Variants in TAF1A observed in about 807,000 individuals in gnomAD.
The protein encoded by TAF1A is TATA-box binding protein associated factor, RNA polymerase I subunit A, also known as TATA box-binding protein-associated factor RNA polymerase I subunit A.
A neutral mutation model predicts 61.6 loss-of-function variants in TAF1A; 42 were observed. The ratio of observed to expected loss-of-function variants is 0.68; its 90% CI spans 0.53 to 0.88. TAF1A has a LOEUF of 0.88. Among genes scored for constraint, TAF1A ranks in the 40% least tolerant of loss-of-function variants. The probability of loss-of-function intolerance (pLI) is 0.00; values close to 1 mark genes in which losing one functional copy is unlikely to be tolerated. For synonymous variants in TAF1A, 179 were observed against 177.7 expected (o/e 1.01, Z -0.06); for missense variants, 424 against 518.7 (o/e 0.82, Z 1.77).
rs752035294 is a variant in TAF1A at position 222,561,406 on chromosome 1, C to A, written c.1198G>T (p.Ala400Ser). 4 of 1,611,570 alleles carry A rather than the reference C, an allele frequency of 2.5e-6. No homozygotes were observed. The highest frequency in any genetic ancestry group is 3.3e-4 in the Middle Eastern group (2 of 6,048). The part of the protein sequence containing the change: ...KSDWKEDTAL[A>S]CEKAFVAGLL... ...CCAGCCACAAAAGCTTTCTCACAGG[C>A]CAAAGCTGTATCTTCCTTCCAATCA... The change falls in exon 10 of 11, where the codon GCC becomes TCC. Residue 400 changes from alanine to serine, a missense_variant. Transcript: ENST00000352967.
At chr1:222,576,193 A>G (rs931083159) in intron 5 of TAF1A, among the ~76,000 whole-genome samples, 2 of 152,196 alleles carry the variant, frequency 1.3e-5, no homozygotes, top group Non-Finnish European at 2.9e-5. Flanking sequence ...AGGGTTTGGG[A>G]CAGCGATCCA....
chr1:222,571,870 A>G (rs548628236), intron 5 of TAF1A, among the ~76,000 whole-genome samples: 10 of 152,336 alleles, frequency 6.6e-5, no homozygotes, highest in Admixed American at 5.2e-4. Context: ...CGAAAATGCA[A>G]GGGACCAAAG....
At chr1:222,555,295 T>A (rs1413010327), downstream of TAF1A, among the ~76,000 whole-genome samples, 1 of 152,238 alleles carries the variant, frequency 6.6e-6, no homozygotes, top group African/African-American at 2.4e-5. Flanking sequence ...CAAAGAGATA[T>A]CTGCACTCCT....
intron 8 of TAF1A, 93 bp from the exon 9 acceptor site, chr1:222,563,389 C>T (rs1571796488): frequency 7.7e-7 from 1 of 1,307,116 alleles, no homozygotes; most frequent in South Asian, 1.4e-5. Context: ...TGTATATATA[C>T]TTTACATATA....
intron 3 of TAF1A, among the ~76,000 whole-genome samples, chr1:222,580,926 G>A (rs892980823): frequency 1.1e-4 from 16 of 152,146 alleles, no homozygotes; most frequent in Non-Finnish European, 1.9e-4. Context: ...GCCGAGGCGG[G>A]TGGATCACGA....
chr1:222,587,629 AAT>A (rs1661065505), intron 2 of TAF1A, among the ~76,000 whole-genome samples: 1 of 152,220 alleles, frequency 6.6e-6, no homozygotes, highest in South Asian at 2.1e-4. Flanking sequence ...ACTTATATTA[AAT>A]ATATTCTTAT....
At chr1:222,566,184 AAAG>A (rs1265501568) in intron 7 of TAF1A, among the ~76,000 whole-genome samples, 11 of 152,306 alleles carry the variant, frequency 7.2e-5, no homozygotes, top group African/African-American at 2.6e-4. Context: ...GACATTTGCC[AAAG>A]ATGATAAACA....
At chr1:222,583,741 G>A (rs1396570799) in intron 3 of TAF1A, among the ~76,000 whole-genome samples, 1 of 151,896 alleles carries the variant, frequency 6.6e-6, no homozygotes, top group African/African-American at 2.4e-5. Flanking sequence ...AGGAGGCTGA[G>A]GCAGGGGAAT....
Position 222,563,284 on chromosome 1 carries a change from T to C in TAF1A, c.974A>G (p.His325Arg). 1 of 1,612,342 alleles carries C rather than the reference T, an allele frequency of 6.2e-7. No individual in the cohort carries two copies. The highest frequency in any genetic ancestry group is 8.5e-7 in the Non-Finnish European group (1 of 1,179,400). Residue 325 changes from histidine to arginine, a missense_variant, in exon 9 of 11, where the codon CAC becomes CGC. His to Arg is a conservative substitution (Grantham distance 29). Coordinates refer to ENST00000352967, the MANE Select transcript of TAF1A (RefSeq NM_005681.4). ...TLLRKSEKEE[H>R]RKLGLEVLFG... ...TAATACCTCCAACCCCAGTTTACGGTGTTCTTCTTTTTCTGCAATGGTTTT... is the reference window on the plus strand; with the variant it reads ...TAATACCTCCAACCCCAGTTTACGGCGTTCTTCTTTTTCTGCAATGGTTTT...
intron 5 of TAF1A, among the ~76,000 whole-genome samples, chr1:222,573,257 G>A (rs1330562037): frequency 6.6e-6 from 1 of 152,138 alleles, no homozygotes; most frequent in Admixed American, 6.6e-5. Flanking sequence ...GTGACAGAGT[G>A]AGACTCCGTC....
chr1:222,576,499 G>A (rs1186671213), intron 5 of TAF1A, among the ~76,000 whole-genome samples: 5 of 152,124 alleles, frequency 3.3e-5, no homozygotes, highest in East Asian at 1.9e-4. Context: ...TATCCCCTAC[G>A]GAGAAACTAT....
rs1298913190 is a variant in TAF1A, at chr1:222,584,144, C to T, written c.275G>A (p.Arg92Lys). 3 of 1,609,306 alleles carry T rather than the reference C, an allele frequency of 1.9e-6. No homozygotes were observed. The highest frequency in any genetic ancestry group is 1.7e-5 in the Admixed American group (1 of 58,884). Residue 92 changes from arginine (R) to lysine (K), a missense_variant, in exon 3 of 11, where the codon AGG becomes AAG. Arg to Lys is a conservative substitution (Grantham distance 26). Coordinates refer to ENST00000352967, the MANE Select transcript of TAF1A (RefSeq NM_005681.4). ...TTTATTTACCTCAGGTGCAGCCTGC[C>T]TTTTGTAGCTATCTGAATCTTCCAA... Reference protein sequence around the residue: ...QTLEDSDSYKRQAAPEIIWKL... With the variant: ...QTLEDSDSYKKQAAPEIIWKL...
chr1:222,560,781 G>C (rs1659881883), intron 10 of TAF1A, among the ~76,000 whole-genome samples: 1 of 152,114 alleles, frequency 6.6e-6, no homozygotes, highest in South Asian at 2.1e-4. Context: ...CATACTCTGT[G>C]GTAGTTTCAT....
chr1:222,558,304 T>G (rs905928297), downstream of TAF1A: 1 of 153,086 alleles, frequency 6.5e-6, no homozygotes, highest in Admixed American at 6.5e-5. Flanking sequence ...AAGTAGAATA[T>G]AAATACATTT....
intron 3 of TAF1A, among the ~76,000 whole-genome samples, chr1:222,583,160 G>C (rs1660859414): frequency 6.6e-6 from 1 of 152,114 alleles, no homozygotes. Context: ...ACTCCAGCCT[G>C]GGCAACAGAG....
chr1:222,579,747 C>G lies in TAF1A; in HGVS notation c.405+12G>C, dbSNP rs3748625. 3,297 of 1,600,536 alleles carry G rather than the reference C, an allele frequency of 2.1e-3. 83 individuals are homozygous for G. The East Asian group carries it at 0.047, about 23-fold the overall frequency. ...TACTGCAAGTGTAAATTCACAAAGC[C>G]CATATTCTCACCTTTAAATAATTCA... On this transcript the variant is annotated intron_variant, in intron 4 of 10. Coordinates refer to ENST00000352967, the MANE Select transcript of TAF1A (RefSeq NM_005681.4).
At chr1:222,560,971 A>G (rs1390853249) in intron 10 of TAF1A, among the ~76,000 whole-genome samples, 6 of 152,236 alleles carry the variant, frequency 3.9e-5, no homozygotes, top group African/African-American at 1.4e-4. Context: ...TCACGCTTAC[A>G]GAAACAGGTA....
chr1:222,584,080 A>G (rs1469864377), intron 3 of TAF1A, 48 bp downstream of exon 3: 4 of 1,586,412 alleles, frequency 2.5e-6, no homozygotes, highest in Non-Finnish European at 3.4e-6. Flanking sequence ...GTAGGCATAA[A>G]CTTCTGGGAA....
intron 5 of TAF1A, among the ~76,000 whole-genome samples, chr1:222,576,074 A>G (rs960543415): frequency 5.9e-5 from 9 of 152,246 alleles, no homozygotes; most frequent in Non-Finnish European, 1.2e-4. Flanking sequence ...TATCTGGACT[A>G]ATAAAATACA....
Sources: gnomAD v4.1 joint callset for allele counts (sites outside exome capture counted in the v4.1 genomes callset) on GRCh38, gnomAD v4.1.1 for gene constraint, MANE v1.5 for transcripts, NCBI Gene and HGNC (gene_info 2026-07-23, HGNC 2026-07-21) for gene names.